MTMR2: variants seen among roughly 807,000 people sequenced by gnomAD.
MTMR2 encodes phosphatidylinositol-3,5-bisphosphate 3-phosphatase MTMR2.
A neutral mutation model predicts 86.9 loss-of-function variants in MTMR2; 55 were observed. The observed-to-expected ratio is 0.63, with a 90% CI of 0.51 to 0.79. The LOEUF is 0.79. MTMR2 is among the 30% of genes least tolerant of loss of function. The pLI is 0.00. For missense variants in MTMR2, 659 were observed against 772.3 expected (o/e 0.85, Z 1.74); for synonymous variants, 241 against 266.8 (o/e 0.90, Z 0.94).
chr11:95,860,665 A>C (rs1864381904), intron 5 of MTMR2, among the ~76,000 whole-genome samples: 1 of 152,220 alleles, frequency 6.6e-6, no homozygotes, highest in Admixed American at 6.5e-5. Context: ...GTAGAATCTC[A>C]ATGTGCATGG....
chr11:95,847,922 G>GA, intron 9 of MTMR2, 23 bp from the exon 10 acceptor site: 1 of 1,584,722 alleles, frequency 6.3e-7, no homozygotes, highest in Admixed American at 1.7e-5. Flanking sequence ...ACACATCATG[G>GA]AAAATCATAA....
chr11:95,868,943 C>T (rs1864744974), intron 2 of MTMR2, among the ~76,000 whole-genome samples: 1 of 149,608 alleles, frequency 6.7e-6, no homozygotes, highest in Non-Finnish European at 1.5e-5. Flanking sequence ...CCCAGAAATA[C>T]TTTTTAGAAA....
At chr11:95,923,742 C>T in intron 1 of MTMR2, 133 bp downstream of exon 1, 1 of 1,473,506 alleles carries the variant, frequency 6.8e-7, no homozygotes, top group Non-Finnish European at 9.0e-7. Context: ...AAGTGGTTCC[C>T]AAGTCCCGGG....
chr11:95,899,573 G>A (rs1004434013), intron 1 of MTMR2, among the ~76,000 whole-genome samples: 2 of 151,810 alleles, frequency 1.3e-5, no homozygotes, highest in African/African-American at 4.9e-5. Flanking sequence ...TAGCCTCATG[G>A]GAGAGATAGA....
intron 1 of MTMR2, among the ~76,000 whole-genome samples, chr11:95,918,420 T>C (rs1446549925): frequency 6.6e-6 from 1 of 152,192 alleles, no homozygotes; most frequent in East Asian, 1.9e-4. Flanking sequence ...TTATTGATAA[T>C]AGCATAAAAA....
intron 1 of MTMR2, among the ~76,000 whole-genome samples, chr11:95,900,512 T>C (rs188770643): frequency 7.2e-5 from 11 of 152,340 alleles, no homozygotes; most frequent in Non-Finnish European, 1.0e-4. Context: ...GAAATACTTA[T>C]TTGACATGAA....
chr11:95,847,976 C>T, intron 9 of MTMR2, 77 bp from the exon 10 acceptor site: 1 of 1,363,486 alleles, frequency 7.3e-7, no homozygotes, highest in East Asian at 2.4e-5. Context: ...TATCCAATAG[C>T]ATAAAAGATG....
Position 95,835,448 on chromosome 11 carries a change from G to A in MTMR2, c.1774C>T (p.Pro592Ser), listed in dbSNP as rs749010549. ...AGTTCTTTGTATCTGTTGTGAATAG[G>A]TTCCTGCAAGAGCAAAACATAAAAT... is the stretch of plus-strand genomic sequence containing the variant. ...RWNPRMKPQE[P>S]IHNRYKELLA... The change falls in exon 15 of 15, where the codon CCT (proline) becomes TCT (serine). Residue 592 changes from proline (P) to serine (S), a missense_variant. Around this residue, in one of 3 missense-constraint regions of MTMR2, gnomAD observed 193 missense variants for 191.6 expected, o/e 1.01. Transcript: ENST00000346299. The A allele has an allele frequency of 6.2e-7, 1 of 1,612,190 alleles. No individual in the cohort carries two copies.
chr11:95,870,390 T>C (rs552982), intron 2 of MTMR2, among the ~76,000 whole-genome samples: 17,199 of 151,766 alleles, frequency 0.11, 3,221 homozygotes, highest in African/African-American at 0.39. Context: ...GCAGATGGCA[T>C]GGTCAAGGAG....
At chr11:95,839,269 A>C (rs889954365) in intron 12 of MTMR2, among the ~76,000 whole-genome samples, 1 of 151,890 alleles carries the variant, frequency 6.6e-6, no homozygotes, top group African/African-American at 2.4e-5. Flanking sequence ...GATCAAGCAG[A>C]AGATGACCAA....
rs958314000 is a variant in MTMR2 at position 95,835,336 on chromosome 11, G to T, written c.1886C>A (p.Ala629Asp). 6.2e-7 allele frequency: 1 copy of T among 1,612,934 alleles called. No individual in the cohort carries two copies. Among genetic ancestry groups the T allele is most frequent in the African/African-American group, 1.3e-5 (1 of 74,884 alleles). Reference sequence around the variant, plus strand: ...AGTGACACACTGTGCAGGAGAGCTGGCTCTCTCTGAGGATGAGGTTGATCG... The same window carrying T: ...AGTGACACACTGTGCAGGAGAGCTGTCTCTCTCTGAGGATGAGGTTGATCG... ...SNRSTSSSERASSPAQCVTPV... is the reference protein window; with the variant it reads ...SNRSTSSSERDSSPAQCVTPV... Residue 629 changes from alanine to aspartate, a missense_variant, in exon 15 of 15, where the codon GCC (alanine) becomes GAC (aspartate). Physicochemically the swap from Ala to Asp is moderately radical, Grantham distance 126. Around this residue, in one of 3 missense-constraint regions of MTMR2, gnomAD observed 193 missense variants for 191.6 expected, o/e 1.01. Transcript: ENST00000346299.
chr11:95,842,846 GA>G (rs375881495), intron 11 of MTMR2, among the ~76,000 whole-genome samples: 2 of 151,848 alleles, frequency 1.3e-5, no homozygotes. Flanking sequence ...TTAAATTAAA[GA>G]AAAAAAGTCC....
chr11:95,923,801 C>A (rs1867024172), intron 1 of MTMR2, 74 bp downstream of exon 1: 1 of 1,515,008 alleles, frequency 6.6e-7, no homozygotes, highest in Non-Finnish European at 8.9e-7. Context: ...CGAATTGGGG[C>A]AACAATCCAG....
intron 1 of MTMR2, chr11:95,907,877 G>C (rs1357386911): frequency 2.2e-6 from 1 of 444,672 alleles, no homozygotes. Context: ...AATAGTGAGA[G>C]CTACAGCCAA....
intron 12 of MTMR2, 91 bp downstream of exon 12, chr11:95,841,526 T>G: frequency 1.0e-5 from 9 of 900,490 alleles, no homozygotes; most frequent in African/African-American, 1.6e-5. Flanking sequence ...TTCCATTTAA[T>G]GATCTATAGG....
chr11:95,904,240 A>G (rs1461938330), intron 1 of MTMR2, among the ~76,000 whole-genome samples: 1 of 152,190 alleles, frequency 6.6e-6, no homozygotes, highest in African/African-American at 2.4e-5. Flanking sequence ...CTGCATCATA[A>G]AATTTTCCCT....
intron 11 of MTMR2, among the ~76,000 whole-genome samples, chr11:95,844,063 C>T (rs1002620294): frequency 2.0e-5 from 3 of 151,984 alleles, no homozygotes; most frequent in Non-Finnish European, 4.4e-5. Context: ...GTAAAAAGAA[C>T]GGGGGGAGTA....
At chr11:95,882,111 A>G (rs1334513991) in intron 2 of MTMR2, among the ~76,000 whole-genome samples, 2 of 152,206 alleles carry the variant, frequency 1.3e-5, no homozygotes, top group East Asian at 1.9e-4. Context: ...ACTGTTTACT[A>G]TCTAACATAA....
chr11:95,923,445 CA>C (rs1425793264), intron 1 of MTMR2, among the ~76,000 whole-genome samples: 1 of 150,558 alleles, frequency 6.6e-6, no homozygotes, highest in Non-Finnish European at 1.5e-5. Context: ...GGCAAGAACC[CA>C]AAAACCAAAG....
Sources: gnomAD v4.1 joint callset for allele counts (sites outside exome capture counted in the v4.1 genomes callset) on GRCh38, gnomAD v4.1.1 for gene constraint, gnomAD v4.1.1 regional missense constraint, MANE v1.5 for transcripts, NCBI Gene and HGNC (gene_info 2026-07-23, HGNC 2026-07-21) for gene names.